Variants in BNC2 observed in about 807,000 individuals in gnomAD.
BNC2 encodes the protein basonuclin zinc finger protein 2, also known as zinc finger protein basonuclin-2.
In BNC2, 20 loss-of-function variants were observed where a neutral mutation model predicts 76.3. That is an observed-to-expected ratio of 0.26 (90% CI 0.18 to 0.38). The LOEUF is 0.38. Ranked by LOEUF, BNC2 falls within the 10% of genes least tolerant of loss-of-function variation. The pLI is 1.00. For missense variants in BNC2, 1,382 were observed against 1,399.8 expected, an observed-to-expected ratio of 0.99 and a Z score of 0.20; for synonymous variants, 582 against 514.8, an observed-to-expected ratio of 1.13 and a Z score of -1.77.
intron 5 of BNC2, among the ~76,000 whole-genome samples, chr9:16,454,583 C>T (rs775446107): frequency 8.5e-5 from 13 of 152,160 alleles, no homozygotes; most frequent in South Asian, 6.2e-4. Flanking sequence ...GGATTACAGG[C>T]GTGAGCCACA....
intron 5 of BNC2, among the ~76,000 whole-genome samples, chr9:16,513,796 C>A (rs1822815338): frequency 6.6e-6 from 1 of 152,042 alleles, no homozygotes; most frequent in African/African-American, 2.4e-5. Context: ...AGTCATGGGC[C>A]TGGGGATTAG....
Position 16,467,860 on chromosome 9 carries a change from T to A in BNC2, c.670-30336A>T, listed in dbSNP as rs867646024. Among the ~76,000 whole-genome samples, 121 of 144,350 alleles carry A rather than the reference T, an allele frequency of 8.4e-4. 1 individual carries two copies. The highest frequency in any genetic ancestry group is 7.1e-3 in the Middle Eastern group (2 of 282). 94.7% of individuals were successfully genotyped at this position (144,350 alleles called of 152,430 possible). On this transcript the variant is annotated intron_variant, in intron 5 of 6. Coordinates refer to ENST00000380672, the MANE Select transcript of BNC2 (RefSeq NM_017637.6). Reference sequence around the variant, plus strand: ...AAAAAAAAAATTAAAAAAAAAAAAATGCCATCTTCTGGATAACAAGGTCTC... The same window carrying A: ...AAAAAAAAAATTAAAAAAAAAAAAAAGCCATCTTCTGGATAACAAGGTCTC...
chr9:16,626,979 A>G lies in BNC2; in HGVS notation c.331-43894T>C, dbSNP rs116574659. 7.5e-3 allele frequency among the ~76,000 whole-genome samples: 1,137 copies of G among 152,286 alleles called. 19 individuals are homozygous for G. Among genetic ancestry groups the G allele is most frequent in the African/African-American group, 0.026 (1,096 of 41,568 alleles). ...CATGTCTCCGTGTCGGTAACTTCCC[A>G]GTGACAGTGAGGCGACTGAATCAGG... On this transcript the variant is annotated intron_variant, in intron 3 of 6. Coordinates refer to ENST00000380672, the MANE Select transcript of BNC2 (RefSeq NM_017637.6).
At chr9:16,497,834 C>G (rs1037754511) in intron 5 of BNC2, among the ~76,000 whole-genome samples, 1 of 152,050 alleles carries the variant, frequency 6.6e-6, no homozygotes, top group African/African-American at 2.4e-5. Flanking sequence ...CCAGTCATAT[C>G]TGTGAACAGA....
At chr9:16,727,600 TAAGA>T in intron 3 of BNC2, 193 bp downstream of exon 3, 2 of 582,692 alleles carry the variant, frequency 3.4e-6, no homozygotes, top group Non-Finnish European at 6.0e-6. Context: ...CTTTTTCTTT[TAAGA>T]CGCCCTTAGG....
intron 1 of BNC2, among the ~76,000 whole-genome samples, chr9:16,793,648 C>CTTTTTTTTTTTTTTTTTTTTTT (rs71327860): frequency 1.8e-5 from 1 of 55,778 alleles, no homozygotes; most frequent in African/African-American, 5.5e-5. Flanking sequence ...CCTTCCACAT[C>CTTTTTTTTTTTTTTTTTTTTTT]TTTTTTTTTT....
intron 3 of BNC2, among the ~76,000 whole-genome samples, chr9:16,701,478 TA>T (rs1423740481): frequency 9.2e-5 from 14 of 152,304 alleles, no homozygotes; most frequent in African/African-American, 3.4e-4. Context: ...CTATGTGTGC[TA>T]AAAGGTAGCA....
chr9:16,488,290 A>G (rs1822207450), intron 5 of BNC2, among the ~76,000 whole-genome samples: 1 of 152,194 alleles, frequency 6.6e-6, no homozygotes, highest in African/African-American at 2.4e-5. Context: ...TTAACAACTC[A>G]TAAGTTAGGA....
chr9:16,553,467 TA>T (rs1277246407), intron 4 of BNC2, among the ~76,000 whole-genome samples: 2 of 152,182 alleles, frequency 1.3e-5, no homozygotes, highest in South Asian at 4.2e-4. Flanking sequence ...TTATTCAGGA[TA>T]AAAAAGAAAA....
At chr9:16,720,905 G>A (rs1824136835) in intron 3 of BNC2, among the ~76,000 whole-genome samples, 1 of 152,164 alleles carries the variant, frequency 6.6e-6, no homozygotes, top group Non-Finnish European at 1.5e-5. Context: ...ACTGCACACT[G>A]TCTCCACCCA....
chr9:16,848,134 T>C lies in BNC2; in HGVS notation c.3+22512A>G, dbSNP rs377184215. ...TGCTGCCTTTTCCCTTAGTATCTTATCAAACATAAATTTCTTTTGCTGAGA... is the reference window on the plus strand; with the variant it reads ...TGCTGCCTTTTCCCTTAGTATCTTACCAAACATAAATTTCTTTTGCTGAGA... On this transcript the variant is annotated intron_variant, in intron 1 of 6. Transcript: ENST00000380672. Among the ~76,000 whole-genome samples the C allele has an allele frequency of 6.0e-4, 91 of 152,324 alleles. 1 individual carries two copies. In the South Asian group the frequency reaches 6.2e-3, roughly 10 times the overall value.
At chr9:16,657,216 A>G (rs1821955851) in intron 3 of BNC2, among the ~76,000 whole-genome samples, 1 of 152,186 alleles carries the variant, frequency 6.6e-6, no homozygotes, top group South Asian at 2.1e-4. Context: ...GCAGGTGAAA[A>G]CCCAGTATAG....
chr9:16,537,693 C>T (rs1818172725), intron 5 of BNC2, among the ~76,000 whole-genome samples: 1 of 152,080 alleles, frequency 6.6e-6, no homozygotes, highest in Admixed American at 6.6e-5. Context: ...TAAATGGCAA[C>T]CAGACTCATA....
chr9:16,557,259 G>C (rs750663683), intron 4 of BNC2, among the ~76,000 whole-genome samples: 30 of 152,170 alleles, frequency 2.0e-4, no homozygotes, highest in Non-Finnish European at 4.1e-4. Context: ...AGCACTTTGG[G>C]AGGTTGCAGT....
intron 1 of BNC2, among the ~76,000 whole-genome samples, chr9:16,853,226 T>C (rs1819169664): frequency 2.0e-5 from 3 of 151,998 alleles, no homozygotes; most frequent in Non-Finnish European, 4.4e-5. Flanking sequence ...ATGACCAGCC[T>C]GGCCAGCATG....
rs117888774 is a variant in BNC2, at chr9:16,692,928, G to A, written c.330+34869C>T. On this transcript the variant is annotated intron_variant, in intron 3 of 6. Coordinates refer to ENST00000380672, the MANE Select transcript of BNC2 (RefSeq NM_017637.6). Reference sequence around the variant, plus strand: ...GTGGATTACCTGAGGTCAGGAATTCGACACTAGCCTGGCCGACATGGAGAA... The same window carrying A: ...GTGGATTACCTGAGGTCAGGAATTCAACACTAGCCTGGCCGACATGGAGAA... Among the ~76,000 whole-genome samples the A allele has an allele frequency of 6.8e-3, 1,029 of 152,074 alleles. 5 individuals carry two copies. The highest frequency in any genetic ancestry group is 0.017 in the Middle Eastern group (5 of 294).
chr9:16,605,784 C>CTTTTTTT (rs34431220), intron 3 of BNC2, among the ~76,000 whole-genome samples: 4 of 110,738 alleles, frequency 3.6e-5, no homozygotes, highest in East Asian at 2.5e-4. Context: ...TTCAAGAATT[C>CTTTTTTT]TTTTTTTTTT....
chr9:16,615,868 T>C (rs1473675094), intron 3 of BNC2, among the ~76,000 whole-genome samples: 2 of 152,138 alleles, frequency 1.3e-5, no homozygotes, highest in East Asian at 3.9e-4. Flanking sequence ...TTGAGCATGA[T>C]TGGTACTATT....
intron 5 of BNC2, among the ~76,000 whole-genome samples, chr9:16,471,512 T>C (rs1821824599): frequency 6.6e-6 from 1 of 152,132 alleles, no homozygotes; most frequent in African/African-American, 2.4e-5. Context: ...CAGGCTGGTC[T>C]CAAACTCCTG....
Sources: gnomAD v4.1 joint callset for allele counts (sites outside exome capture counted in the v4.1 genomes callset) on GRCh38, gnomAD v4.1.1 for gene constraint, MANE v1.5 for transcripts, NCBI Gene and HGNC (gene_info 2026-07-23, HGNC 2026-07-21) for gene names.